The following AK8 variants were observed in gnomAD, a reference collection of about 807,000 sequenced individuals.
The protein encoded by AK8 is ATP-AMP transphosphorylase 8.
Under a neutral mutation model 54.6 loss-of-function variants are expected in AK8, and 44 were observed. That is an observed-to-expected ratio of 0.81 (90% confidence interval 0.63 to 1.04). The LOEUF (loss-of-function observed/expected upper bound fraction) is 1.04. Among genes scored for constraint, AK8 ranks in the 50% least tolerant of loss-of-function variants. AK8 has a pLI of 0.00. For missense variants in AK8, 555 were observed against 613.6 expected, an observed-to-expected ratio of 0.90 and a Z score of 1.01; for synonymous variants, 239 against 245.6, an observed-to-expected ratio of 0.97 and a Z score of 0.25.
At chr9:132,874,487 C>A in intron 2 of AK8, 1 of 152,620 alleles carries the variant, frequency 6.6e-6, no homozygotes, top group Non-Finnish European at 1.5e-5. Flanking sequence ...CATCGGTCCT[C>A]CCCAACAGCT....
rs1009291434 is a variant in AK8 at position 132,826,320 on chromosome 9, G to A, written c.757+534C>T. Among the ~76,000 whole-genome samples the A allele has an allele frequency of 6.6e-6, 1 of 152,160 alleles. No individual in the cohort carries two copies. The highest frequency in any genetic ancestry group is 1.9e-4 in the East Asian group (1 of 5,188). On this transcript the variant is annotated intron_variant, in intron 8 of 12. Transcript: ENST00000298545. This position sits in a 1 kb window ranked among gnomAD's most constrained non-coding sequence, Gnocchi z 4.5. ...TCCCCGCACCTCGCACAGGCTGCCC[G>A]CAGTGGCTCCCGAGCTGCTGTGAAC...
chr9:132,768,625 A>C (rs1051851833), intron 11 of AK8, among the ~76,000 whole-genome samples: 5 of 152,232 alleles, frequency 3.3e-5, no homozygotes, highest in African/African-American at 1.2e-4. Flanking sequence ...ATTTTCCCCA[A>C]GGAAATGATC....
At chr9:132,819,919 G>C (rs1444635183) in intron 9 of AK8, among the ~76,000 whole-genome samples, 2 of 152,092 alleles carry the variant, frequency 1.3e-5, no homozygotes, top group Admixed American at 6.6e-5. Flanking sequence ...AAAGAAACCA[G>C]AGGCTGAGGT....
intron 4 of AK8, among the ~76,000 whole-genome samples, chr9:132,855,633 A>G (rs1047435743): frequency 3.3e-5 from 5 of 152,226 alleles, no homozygotes; most frequent in Non-Finnish European, 5.9e-5. Flanking sequence ...AATGGTATCA[A>G]GGATATAGGA....
At chr9:132,739,589 T>C (rs954639444) in intron 11 of AK8, among the ~76,000 whole-genome samples, 5 of 151,850 alleles carry the variant, frequency 3.3e-5, no homozygotes, top group African/African-American at 9.7e-5. Flanking sequence ...TTTTGTTTTG[T>C]TTTGTTTTTT....
intron 10 of AK8, among the ~76,000 whole-genome samples, chr9:132,795,564 C>A (rs1036491890): frequency 6.6e-6 from 1 of 152,140 alleles, no homozygotes. Context: ...GATATTTTCA[C>A]GGAAAGAAGA....
chr9:132,750,254 G>C (rs890213939), intron 11 of AK8, among the ~76,000 whole-genome samples: 2 of 151,920 alleles, frequency 1.3e-5, no homozygotes, highest in Non-Finnish European at 2.9e-5. Context: ...GAGTAGCTGG[G>C]ATTACAGGCA....
intron 4 of AK8, among the ~76,000 whole-genome samples, chr9:132,862,484 T>A (rs1041199319): frequency 6.6e-6 from 1 of 152,094 alleles, no homozygotes; most frequent in African/African-American, 2.4e-5. Context: ...CCCACCACCA[T>A]GCGCACCTAA....
chr9:132,745,161 C>T lies in AK8; in HGVS notation c.1122-17627G>A, dbSNP rs372639689. Among the ~76,000 whole-genome samples, 15 of 152,300 alleles carry T rather than the reference C, an allele frequency of 9.8e-5. 1 individual carries two copies. The highest frequency in any genetic ancestry group is 5.8e-4 in the East Asian group (3 of 5,196). ...AATTAACGAATTAATGAGCGAGATA[C>T]GCTTTACGGTGGGGCCTTATGAATG... On this transcript the variant is annotated intron_variant, in intron 11 of 12. Transcript: ENST00000298545.
Position 132,805,773 on chromosome 9 carries a change from C to T in AK8, c.979+8865G>A, listed in dbSNP as rs533800268. Among the ~76,000 whole-genome samples the T allele has an allele frequency of 2.6e-5, 4 of 152,206 alleles. No individual in the cohort carries two copies. The East Asian group carries it at 5.8e-4, about 22-fold the overall frequency. Reference sequence around the variant, plus strand: ...GCTTTTACCCTGCCACTCTGCTTGGCTATCTTGGCCACAGCTTTCTCTCTG... The same window carrying T: ...GCTTTTACCCTGCCACTCTGCTTGGTTATCTTGGCCACAGCTTTCTCTCTG... On this transcript the variant is annotated intron_variant, in intron 10 of 12. Coordinates refer to ENST00000298545, the MANE Select transcript of AK8 (RefSeq NM_152572.3).
At chr9:132,804,634 G>A (rs922803862) in intron 10 of AK8, among the ~76,000 whole-genome samples, 6 of 152,102 alleles carry the variant, frequency 3.9e-5, no homozygotes, top group African/African-American at 7.2e-5. Context: ...CCCCTCCCGT[G>A]TCCCTCTGCT....
chr9:132,807,245 G>A (rs998712774), intron 10 of AK8, among the ~76,000 whole-genome samples: 12 of 152,318 alleles, frequency 7.9e-5, no homozygotes, highest in Admixed American at 2.0e-4. Context: ...TAACTGGGCC[G>A]ACGAGCCAGT....
chr9:132,727,721 TCC>T (rs139398120), intron 11 of AK8, 187 bp from the exon 12 acceptor site: 427,399 of 543,922 alleles, frequency 0.79, 169,661 homozygotes, highest in East Asian at 0.87. Flanking sequence ...AGAGCCTGTG[TCC>T]CCCCAACCGC....
chr9:132,794,461 C>T (rs114005504), intron 10 of AK8, among the ~76,000 whole-genome samples: 1,729 of 152,302 alleles, frequency 0.011, 36 homozygotes, highest in African/African-American at 0.04. Flanking sequence ...CTCAGGGCCA[C>T]GGTGTGATGT....
chr9:132,772,929 C>T (rs758563729), intron 11 of AK8, among the ~76,000 whole-genome samples: 8 of 152,216 alleles, frequency 5.3e-5, no homozygotes, highest in Non-Finnish European at 1.2e-4. Context: ...GCCAACAGCC[C>T]TATACCTGGC....
At chr9:132,805,204 T>C (rs1245393405) in intron 10 of AK8, among the ~76,000 whole-genome samples, 1 of 152,192 alleles carries the variant, frequency 6.6e-6, no homozygotes, top group Non-Finnish European at 1.5e-5. Flanking sequence ...GGGAAACGCT[T>C]CTAGAAGCTC....
rs181800261 is a variant in AK8 at position 132,827,993 on chromosome 9, G to A, written c.556+20C>T. 695 of 1,555,122 alleles carry A rather than the reference G, an allele frequency of 4.5e-4. 4 individuals carry two copies. The African/African-American group carries it at 8.8e-3, about 20-fold the overall frequency. On this transcript the variant is annotated intron_variant, in intron 7 of 12. Coordinates refer to ENST00000298545, the MANE Select transcript of AK8 (RefSeq NM_152572.3). ...ACTCTGAAACCCCATGGGGCTGGGT[G>A]GGGGTGGCCGTAGCCATACCTCCAG... is the stretch of plus-strand genomic sequence containing the variant.
At chr9:132,733,035 C>T (rs569046897) in intron 11 of AK8, among the ~76,000 whole-genome samples, 19 of 152,288 alleles carry the variant, frequency 1.2e-4, no homozygotes, top group Admixed American at 2.6e-4. Context: ...TCTGCCCAGT[C>T]GCCAGGAAGC....
At chr9:132,750,774 C>CAT in intron 11 of AK8, among the ~76,000 whole-genome samples, 1 of 151,960 alleles carries the variant, frequency 6.6e-6, no homozygotes, top group Non-Finnish European at 1.5e-5. Context: ...CGTCAGGCTG[C>CAT]ATCCAGAGAT....
Sources: allele counts gnomAD v4.1 joint callset (sites outside exome capture counted in the v4.1 genomes callset), GRCh38; gene constraint gnomAD v4.1.1; non-coding constraint Gnocchi (gnomAD v3.1); transcripts MANE v1.5; gene names NCBI Gene and HGNC (gene_info 2026-07-23, HGNC 2026-07-21).